Variants in SEZ6L observed in about 807,000 individuals in gnomAD.
The protein encoded by SEZ6L is seizure related 6 homolog like.
SEZ6L carries 37 observed loss-of-function variants against 106.2 expected under a neutral mutation model. The ratio of observed to expected loss-of-function variants is 0.35; its 90% CI spans 0.27 to 0.46. SEZ6L has a LOEUF of 0.46. Among genes scored for constraint, SEZ6L ranks in the 20% least tolerant of loss-of-function variants. SEZ6L has a pLI of 1.00. For missense variants in SEZ6L, 1,172 were observed against 1,332.8 expected, an observed-to-expected ratio of 0.88 and a Z score of 1.88; for synonymous variants, 541 against 570.4, an observed-to-expected ratio of 0.95 and a Z score of 0.73.
intron 1 of SEZ6L, among the ~76,000 whole-genome samples, chr22:26,178,813 G>A (rs1939198507): frequency 6.6e-6 from 1 of 152,142 alleles, no homozygotes; most frequent in African/African-American, 2.4e-5. Flanking sequence ...GATGGGAGTG[G>A]GTGGTAGTGA....
chr22:26,194,948 G>A (rs528638586), intron 1 of SEZ6L, among the ~76,000 whole-genome samples: 1 of 152,336 alleles, frequency 6.6e-6, no homozygotes, highest in South Asian at 2.1e-4. Flanking sequence ...TTCCAGAACT[G>A]GTTGGGGTCA....
At chr22:26,353,003 T>C (rs2083329004) in intron 12 of SEZ6L, among the ~76,000 whole-genome samples, 1 of 152,240 alleles carries the variant, frequency 6.6e-6, no homozygotes, top group Non-Finnish European at 1.5e-5. Flanking sequence ...TCCCTTAACA[T>C]CTGATCCTTT....
intron 1 of SEZ6L, among the ~76,000 whole-genome samples, chr22:26,183,949 A>T (rs1939587168): frequency 6.6e-6 from 1 of 152,204 alleles, no homozygotes; most frequent in South Asian, 2.1e-4. Context: ...AAGGATATCC[A>T]TTATTGCATT....
At chr22:26,266,483 G>A (rs1279031220) in intron 1 of SEZ6L, among the ~76,000 whole-genome samples, 1 of 151,644 alleles carries the variant, frequency 6.6e-6, no homozygotes, top group East Asian at 1.9e-4. Flanking sequence ...TGAGGCAGGA[G>A]AATGGCGTGA....
chr22:26,261,392 T>C (rs1008113003), intron 1 of SEZ6L, among the ~76,000 whole-genome samples: 5 of 152,222 alleles, frequency 3.3e-5, no homozygotes, highest in African/African-American at 1.2e-4. Flanking sequence ...TTGATCAATG[T>C]TGAGTTGATT....
chr22:26,322,463 G>A (rs776639996), intron 9 of SEZ6L, among the ~76,000 whole-genome samples: 16 of 152,212 alleles, frequency 1.1e-4, no homozygotes, highest in Non-Finnish European at 1.8e-4. Context: ...CTGGCAAAAT[G>A]TAAGCAAAGT....
At chr22:26,377,008 G>C (rs1453565090) in intron 15 of SEZ6L, among the ~76,000 whole-genome samples, 1 of 152,134 alleles carries the variant, frequency 6.6e-6, no homozygotes, top group African/African-American at 2.4e-5. Context: ...GGCCAGGCAT[G>C]GTGGTTCATC....
chr22:26,202,328 C>A (rs1319503030), intron 1 of SEZ6L, among the ~76,000 whole-genome samples: 1 of 152,142 alleles, frequency 6.6e-6, no homozygotes, highest in East Asian at 1.9e-4. Flanking sequence ...TAGATGATCC[C>A]ATAGGAAAAT....
chr22:26,325,850 A>C (rs926843968), intron 9 of SEZ6L, among the ~76,000 whole-genome samples: 9 of 152,114 alleles, frequency 5.9e-5, no homozygotes, highest in African/African-American at 2.2e-4. Flanking sequence ...TTTAATTGGC[A>C]GCTGTGATGA....
At chr22:26,348,701 AGAAG>A (rs1316710002) in intron 11 of SEZ6L, among the ~76,000 whole-genome samples, 1 of 63,404 alleles carries the variant, frequency 1.6e-5, no homozygotes, top group Non-Finnish European at 3.2e-5. Context: ...AAAGAAAGAA[AGAAG>A]GCAAGGGAGG....
At chr22:26,233,398 C>T (rs897788771) in intron 1 of SEZ6L, among the ~76,000 whole-genome samples, 2 of 152,182 alleles carry the variant, frequency 1.3e-5, no homozygotes, top group East Asian at 1.9e-4. Context: ...GGAGCCTCCC[C>T]GAAGTCCTCA....
At chr22:26,228,131 C>A (rs2078689759) in intron 1 of SEZ6L, among the ~76,000 whole-genome samples, 1 of 152,098 alleles carries the variant, frequency 6.6e-6, no homozygotes, top group African/African-American at 2.4e-5. Flanking sequence ...AACAGAGGTG[C>A]AGAAATGATT....
Position 26,299,058 on chromosome 22 carries a change from G to A in SEZ6L, c.1237G>A (p.Gly413Arg), listed in dbSNP as rs752220381. 2.5e-6 allele frequency: 4 copies of A among 1,607,934 alleles called. No homozygotes were observed. The highest frequency in any genetic ancestry group is 3.4e-6 in the Non-Finnish European group (4 of 1,177,376). Residue 413 changes from glycine to arginine, a missense_variant, in exon 5 of 17, where the codon GGG (glycine) becomes AGG (arginine). Coordinates refer to ENST00000248933, the MANE Select transcript of SEZ6L (RefSeq NM_021115.5). ...CACGGTGATGGACCTGCACTCAGGT[G>A]GGGTGGCCCACTTTCACTGCCACCT... Reference protein sequence around the residue: ...DVTVMDLHSGGVAHFHCHLGY... With the variant: ...DVTVMDLHSGRVAHFHCHLGY...
At chr22:26,345,028 T>TA (rs1230546185) in intron 10 of SEZ6L, among the ~76,000 whole-genome samples, 5 of 151,854 alleles carry the variant, frequency 3.3e-5, no homozygotes, top group South Asian at 4.2e-4. Flanking sequence ...GGGTGCTTGG[T>TA]AAAAAAATAC....
chr22:26,232,788 C>T (rs2078841537), intron 1 of SEZ6L, among the ~76,000 whole-genome samples: 2 of 152,220 alleles, frequency 1.3e-5, no homozygotes, highest in African/African-American at 4.8e-5. Flanking sequence ...TTTCTCAGAA[C>T]ATATCCCTGT....
At position 26,297,006 on chromosome 22, in the gene SEZ6L, C is replaced by G. The variant is rs200639264; in HGVS notation, c.1088C>G (p.Pro363Arg). The change falls in exon 4 of 17, where the codon CCC (proline) becomes CGC (arginine). Residue 363 changes from proline (P) to arginine (R), a missense_variant. Coordinates refer to ENST00000248933, the MANE Select transcript of SEZ6L (RefSeq NM_021115.5). ...GTGGAGGGGCAGGTAATCCGAAGCCCCACCAACACCATCTCCGTCTACTTC... is the reference window on the plus strand; with the variant it reads ...GTGGAGGGGCAGGTAATCCGAAGCCGCACCAACACCATCTCCGTCTACTTC... ...LLVEGQVIRSPTNTISVYFRT... is the reference protein window; with the variant it reads ...LLVEGQVIRSRTNTISVYFRT... 2 of 1,614,122 alleles carry G rather than the reference C, an allele frequency of 1.2e-6. No homozygotes were observed. Among genetic ancestry groups the G allele is most frequent in the Non-Finnish European group, 1.7e-6 (2 of 1,180,012 alleles).
rs530985528 is a variant in SEZ6L at position 26,324,564 on chromosome 22, G to A, written c.2015+10662G>A. On this transcript the variant is annotated intron_variant, in intron 9 of 16. Transcript: ENST00000248933. ...ACCTGAGAGCCAGGAAAGGAGGAGA[G>A]AGATTCAGGAGTTGAGGACAACGTT... 2.6e-5 allele frequency among the ~76,000 whole-genome samples: 4 copies of A among 152,328 alleles called. No homozygotes were observed. The South Asian group carries it at 8.3e-4, about 32-fold the overall frequency.
At chr22:26,220,796 C>A (rs925882494) in intron 1 of SEZ6L, among the ~76,000 whole-genome samples, 3 of 152,098 alleles carry the variant, frequency 2.0e-5, no homozygotes, top group African/African-American at 7.2e-5. Context: ...ACCCAGTAAG[C>A]ACTCAGGTAG....
intron 1 of SEZ6L, among the ~76,000 whole-genome samples, chr22:26,248,981 A>G (rs1166513745): frequency 6.6e-6 from 1 of 152,212 alleles, no homozygotes; most frequent in Non-Finnish European, 1.5e-5. Context: ...AAGCTAAAGT[A>G]ATAAGATTCA....
Sources: gnomAD v4.1 joint callset for allele counts (sites outside exome capture counted in the v4.1 genomes callset) on GRCh38, gnomAD v4.1.1 for gene constraint, MANE v1.5 for transcripts, NCBI Gene and HGNC (gene_info 2026-07-23, HGNC 2026-07-21) for gene names.